CFAP57: variants seen among roughly 807,000 people sequenced by gnomAD.
CFAP57 encodes cilia and flagella associated protein 57, also known as cilia- and flagella-associated protein 57.
A neutral mutation model predicts 146.8 loss-of-function variants in CFAP57; 116 were observed. That is an observed-to-expected ratio of 0.79 (90% CI 0.68 to 0.92). The LOEUF is 0.92. Among genes scored for constraint, CFAP57 ranks in the 40% least tolerant of loss-of-function variants. The pLI is 0.00. For synonymous variants in CFAP57, 518 were observed against 552.8 expected (o/e 0.94, Z 0.88); for missense variants, 1,377 against 1,527.2 (o/e 0.90, Z 1.64).
intron 14 of CFAP57, 44 bp downstream of exon 14, chr1:43,221,509 C>T: frequency 7.3e-7 from 1 of 1,362,566 alleles, no homozygotes; most frequent in Non-Finnish European, 9.8e-7. Context: ...GTTGGAAGAG[C>T]TAGGTTATGG....
intron 11 of CFAP57, among the ~76,000 whole-genome samples, chr1:43,214,118 T>G (rs1266339931): frequency 6.6e-6 from 1 of 152,066 alleles, no homozygotes; most frequent in Admixed American, 6.5e-5. Context: ...ACTCCTGACC[T>G]CAGGTGATCC....
At position 43,232,098 on chromosome 1, in the gene CFAP57, C is replaced by T. The variant is rs1239155390; in HGVS notation, c.3010-410C>T. 4.3e-6 allele frequency: 3 copies of T among 701,244 alleles called. No homozygotes were observed. The African/African-American group carries it at 5.2e-5, about 12-fold the overall frequency. The allele number at this position is 701,244 out of a possible 1,614,324, so 43.4% of individuals were successfully genotyped here. On this transcript the variant is annotated intron_variant, in intron 18 of 22. Coordinates refer to ENST00000372492, the MANE Select transcript of CFAP57 (RefSeq NM_001378189.1). ...CCATTCTAAAGTGGCCCCAGAGGGT[C>T]GAGATTCACTTATACAACTTCAGAA...
At chr1:43,202,040 A>G (rs913371426) in intron 9 of CFAP57, among the ~76,000 whole-genome samples, 2 of 152,242 alleles carry the variant, frequency 1.3e-5, no homozygotes, top group Non-Finnish European at 2.9e-5. Context: ...TCACCAGTCC[A>G]GGAAAACAGC....
Position 43,254,248 on chromosome 1 carries a change from C to A in CFAP57, c.*57C>A. The A allele has an allele frequency of 6.9e-7, 1 of 1,458,310 alleles. No homozygotes were observed. The highest frequency in any genetic ancestry group is 9.2e-7 in the Non-Finnish European group (1 of 1,082,906). The allele number at this position is 1,458,310 out of a possible 1,614,324, so 90.3% of individuals were successfully genotyped here. ...CAGAAGAAACACAGCATGTCTGTCC[C>A]CAAGCCAGACTTGCGGTTGGAGTCT... On this transcript the variant is annotated 3_prime_UTR_variant, in exon 23 of 23. Coordinates refer to ENST00000372492, the MANE Select transcript of CFAP57 (RefSeq NM_001378189.1).
rs1225401790 is a variant in CFAP57, at chr1:43,188,048, C to T, written c.1122+1189C>T. Among the ~76,000 whole-genome samples the T allele has an allele frequency of 4.6e-5, 7 of 152,298 alleles. No homozygotes were observed. In the South Asian group the frequency reaches 1.2e-3, roughly 27 times the overall value. On this transcript the variant is annotated intron_variant, in intron 6 of 22. Transcript: ENST00000372492. The stretch of plus-strand genomic sequence containing the variant: ...TGAGTTCCTGAGCTCAAGCAGTCCA[C>T]CCGCCTCATCCTCCCAAAGTGTTGG...
intron 21 of CFAP57, among the ~76,000 whole-genome samples, chr1:43,236,590 TA>T (rs764205138): frequency 0.038 from 1,566 of 41,674 alleles, 16 homozygotes; most frequent in African/African-American, 0.092. Flanking sequence ...GAATAAGTGC[TA>T]AAAAAAAAAA....
chr1:43,253,880 C>T, intron 22 of CFAP57, 97 bp from the exon 23 acceptor site: 1 of 1,095,552 alleles, frequency 9.1e-7, no homozygotes, highest in African/African-American at 1.6e-5. Flanking sequence ...CAGTAGGTGC[C>T]CAATAAATGT....
chr1:43,174,468 T>C (rs900742282), intron 2 of CFAP57, among the ~76,000 whole-genome samples: 16 of 152,344 alleles, frequency 1.1e-4, no homozygotes, highest in African/African-American at 3.6e-4. Flanking sequence ...TCTTCCTTTT[T>C]CTTGTGTTAC....
At chr1:43,227,314 C>T (rs1221912410) in intron 18 of CFAP57, among the ~76,000 whole-genome samples, 188 bp downstream of exon 18, 4 of 152,182 alleles carry the variant, frequency 2.6e-5, no homozygotes, top group South Asian at 2.1e-4. Context: ...CTCAGCTGAC[C>T]GAAAGCAAAT....
intron 3 of CFAP57, 47 bp from the exon 4 acceptor site, chr1:43,183,544 A>G: frequency 6.5e-7 from 1 of 1,532,432 alleles, no homozygotes; most frequent in South Asian, 1.1e-5. Context: ...AATTCCATCA[A>G]GAATAGTTTC....
In CFAP57 at chr1:43,172,774, G is replaced by C. The variant is rs777760738; in HGVS notation, c.21G>C (p.Gln7His). MSAVVA[Q>H]TLHVFGLRSH... ...AGATCATGTCAGCCGTGGTAGCTCA[G>C]ACGCTGCATGTTTTTGGTCTTCGAT... The change falls in exon 2 of 23, where the codon CAG becomes CAC. Residue 7 changes from glutamine (Q) to histidine (H), a missense_variant. Physicochemically the swap from Gln to His is conservative, Grantham distance 24 (BLOSUM62 0). Coordinates refer to ENST00000372492, the MANE Select transcript of CFAP57 (RefSeq NM_001378189.1). 1 of 1,614,148 alleles carries C rather than the reference G, an allele frequency of 6.2e-7. No homozygotes were observed. The highest frequency in any genetic ancestry group is 8.5e-7 in the Non-Finnish European group (1 of 1,180,022).
intron 10 of CFAP57, among the ~76,000 whole-genome samples, chr1:43,208,062 C>T (rs1374223820): frequency 6.6e-6 from 1 of 152,244 alleles, no homozygotes; most frequent in African/African-American, 2.4e-5. Flanking sequence ...CTCATCATCA[C>T]TGGCCATCAG....
rs143229697 is a variant in CFAP57 at position 43,181,758 on chromosome 1, C to T, written c.382C>T (p.Pro128Ser). Residue 128 changes from proline to serine, a missense_variant, in exon 3 of 23, where the codon CCT (proline) becomes TCT (serine). Transcript: ENST00000372492. ...CAAATACCTATTGGCTCAGACGTCA[C>T]CTCCAGAGTCAAATCTTGTCTACTG... is the stretch of plus-strand genomic sequence containing the variant. ...DSKYLLAQTSPPESNLVYWLW... is the reference protein window; with the variant it reads ...DSKYLLAQTSSPESNLVYWLW... The T allele has an allele frequency of 2.4e-4, 391 of 1,614,162 alleles. No homozygotes were observed. The highest frequency in any genetic ancestry group is 2.5e-4 in the Non-Finnish European group (296 of 1,180,030).
chr1:43,183,976 G>T, intron 4 of CFAP57, 99 bp downstream of exon 4: 1 of 1,480,298 alleles, frequency 6.8e-7, no homozygotes, highest in South Asian at 1.2e-5. Flanking sequence ...CCCCTCTACC[G>T]TAAAAGTCAA....
chr1:43,227,579 G>A (rs1168336992), intron 18 of CFAP57, among the ~76,000 whole-genome samples: 3 of 152,208 alleles, frequency 2.0e-5, no homozygotes, highest in Admixed American at 6.5e-5. Context: ...AGTCATCAGA[G>A]GCTCTTGAGC....
At chr1:43,215,750 G>T (rs367739470) in intron 12 of CFAP57, among the ~76,000 whole-genome samples, 1 of 152,150 alleles carries the variant, frequency 6.6e-6, no homozygotes, top group South Asian at 2.1e-4. Context: ...GCACATGCTG[G>T]GCACATGGAA....
In CFAP57 at chr1:43,216,670, G is replaced by A. The variant is rs993602912; in HGVS notation, c.2091+1254G>A. 2.0e-5 allele frequency among the ~76,000 whole-genome samples: 3 copies of A among 152,094 alleles called. No individual in the cohort carries two copies. In the South Asian group the frequency reaches 6.2e-4, roughly 32 times the overall value. On this transcript the variant is annotated intron_variant, in intron 12 of 22. Coordinates refer to ENST00000372492, the MANE Select transcript of CFAP57 (RefSeq NM_001378189.1). ...CTTACCATCCTTGTGACCACACTCTGTTCCCTGAAAACCTTTCTGACTCCT... is the reference window on the plus strand; with the variant it reads ...CTTACCATCCTTGTGACCACACTCTATTCCCTGAAAACCTTTCTGACTCCT...
Position 43,183,719 on chromosome 1 carries a change from A to G in CFAP57, c.603A>G (p.Leu201=), listed in dbSNP as rs1267874576. The G allele has an allele frequency of 6.2e-6, 10 of 1,614,104 alleles. No homozygotes were observed. The highest frequency in any genetic ancestry group is 7.6e-6 in the Non-Finnish European group (9 of 1,180,048). Residue 201 remains leucine, a synonymous_variant, in exon 4 of 23, where the codon CTA becomes CTG. Coordinates refer to ENST00000372492, the MANE Select transcript of CFAP57 (RefSeq NM_001378189.1). ...SFQRGEPQNY[L]AHTWVADDKI... is the part of the protein sequence containing the mutation. ...AGAGGGGAGAACCCCAAAACTATCT[A>G]GCTCACACCTGGGTGGCTGATGACA... is the stretch of plus-strand genomic sequence containing the variant.
At chr1:43,234,180 A>G (rs757078358) in intron 19 of CFAP57, 99 bp from the exon 20 acceptor site, 47 of 1,320,358 alleles carry the variant, frequency 3.6e-5, no homozygotes, top group Non-Finnish European at 4.6e-5. Context: ...CAGATGAGGC[A>G]TCTCTTTTCC....
Sources: allele counts gnomAD v4.1 joint callset (sites outside exome capture counted in the v4.1 genomes callset), GRCh38; gene constraint gnomAD v4.1.1; transcripts MANE v1.5; gene names NCBI Gene and HGNC (gene_info 2026-07-23, HGNC 2026-07-21).